The following GRID1 variants were observed in gnomAD, a reference collection of about 807,000 sequenced individuals.
GRID1 encodes glutamate ionotropic receptor delta type subunit 1, also known as glutamate receptor ionotropic, delta-1.
GRID1 carries 28 observed loss-of-function variants against 98.0 expected under a neutral mutation model. The ratio of observed to expected loss-of-function variants is 0.29; its 90% CI spans 0.21 to 0.39. The LOEUF (loss-of-function observed/expected upper bound fraction) is 0.39, where lower values mean the gene tolerates loss of function less well. Among genes scored for constraint, GRID1 ranks in the 10% least tolerant of loss-of-function variants. GRID1 has a pLI of 1.00. For missense variants in GRID1, 1,111 were observed against 1,340.5 expected, an observed-to-expected ratio of 0.83 and a Z score of 2.67; for synonymous variants, 553 against 538.5, an observed-to-expected ratio of 1.03 and a Z score of -0.37.
chr10:85,794,057 A>G (rs902023072), intron 8 of GRID1, among the ~76,000 whole-genome samples: 4 of 152,308 alleles, frequency 2.6e-5, no homozygotes, highest in African/African-American at 9.6e-5. Flanking sequence ...CTTTCCTTCA[A>G]GAAGCATCTC....
intron 8 of GRID1, among the ~76,000 whole-genome samples, chr10:85,827,991 C>T (rs1842834626): frequency 6.6e-6 from 1 of 152,144 alleles, no homozygotes; most frequent in Admixed American, 6.5e-5. Context: ...ACATACTTCT[C>T]ATTTGCACAT....
intron 3 of GRID1, among the ~76,000 whole-genome samples, chr10:86,199,689 C>T (rs190091877): frequency 5.3e-4 from 80 of 152,264 alleles, no homozygotes; most frequent in Middle Eastern, 3.4e-3. Flanking sequence ...AGCTGTTACC[C>T]GCTGGCATGA....
intron 4 of GRID1, among the ~76,000 whole-genome samples, chr10:86,066,221 C>T (rs1025044939): frequency 1.3e-5 from 2 of 152,164 alleles, no homozygotes; most frequent in African/African-American, 2.4e-5. Context: ...GCAGCCCCTT[C>T]CCAGAGAGAC....
At chr10:85,651,089 G>A (rs1843262904) in intron 12 of GRID1, among the ~76,000 whole-genome samples, 1 of 152,182 alleles carries the variant, frequency 6.6e-6, no homozygotes, top group African/African-American at 2.4e-5. Flanking sequence ...CCCTCCAGGT[G>A]ATTCTGATGC....
chr10:85,947,103 G>A (rs920172199), intron 4 of GRID1, among the ~76,000 whole-genome samples: 2 of 152,202 alleles, frequency 1.3e-5, no homozygotes, highest in African/African-American at 4.8e-5. Context: ...GCTCCTCCAG[G>A]AGAAGGGGAC....
intron 4 of GRID1, among the ~76,000 whole-genome samples, chr10:86,131,302 T>A (rs530888388): frequency 6.6e-6 from 1 of 152,024 alleles, no homozygotes; most frequent in African/African-American, 2.4e-5. Flanking sequence ...CTGAACACCC[T>A]TGGGGATCCG....
In GRID1 at chr10:85,645,352, C is replaced by T. The variant is rs115513214; in HGVS notation, c.2193+1850G>A. ...GTTCATTATCTTCAAATGAGGTCACCTACAGCCACAAAGATTCACTGTCAG... is the reference window on the plus strand; with the variant it reads ...GTTCATTATCTTCAAATGAGGTCACTTACAGCCACAAAGATTCACTGTCAG... On this transcript the variant is annotated intron_variant, in intron 13 of 15. Coordinates refer to ENST00000327946, the MANE Select transcript of GRID1 (RefSeq NM_017551.3). Among the ~76,000 whole-genome samples the T allele has an allele frequency of 4.7e-3, 721 of 152,300 alleles. 9 individuals are homozygous for T. The highest frequency in any genetic ancestry group is 0.017 in the African/African-American group (689 of 41,560).
intron 4 of GRID1, among the ~76,000 whole-genome samples, chr10:85,981,476 C>T (rs1012940718): frequency 6.6e-6 from 1 of 152,178 alleles, no homozygotes; most frequent in African/African-American, 2.4e-5. Context: ...GATGGGAGCC[C>T]AGCAGCCACT....
rs189772148 is a variant in GRID1 at position 86,304,978 on chromosome 10, C to G, written c.235+58963G>C. On this transcript the variant is annotated intron_variant, in intron 2 of 15. Coordinates refer to ENST00000327946, the MANE Select transcript of GRID1 (RefSeq NM_017551.3). ...TCTAGGCTATGGGGGCCAGTTATTT[C>G]GTCAAACATGAGTCTAGAGGTTGCT... is the stretch of plus-strand genomic sequence containing the variant. 3.3e-3 allele frequency among the ~76,000 whole-genome samples: 506 copies of G among 152,116 alleles called. 2 individuals are homozygous for G. The highest frequency in any genetic ancestry group is 6.8e-3 in the Middle Eastern group (2 of 294).
intron 2 of GRID1, among the ~76,000 whole-genome samples, chr10:86,323,907 G>A (rs1848005878): frequency 6.6e-6 from 1 of 152,208 alleles, no homozygotes; most frequent in Admixed American, 6.5e-5. Flanking sequence ...GGCCCAGCAT[G>A]GTGGCTCACA....
chr10:86,162,399 C>T (rs532872756), intron 3 of GRID1, among the ~76,000 whole-genome samples: 114 of 152,294 alleles, frequency 7.5e-4, no homozygotes, highest in Middle Eastern at 3.4e-3. Flanking sequence ...CCATCCCAGC[C>T]ACCCAAAGCC....
chr10:85,605,190 T>G (rs1320754840), intron 15 of GRID1, among the ~76,000 whole-genome samples: 1 of 152,222 alleles, frequency 6.6e-6, no homozygotes, highest in Non-Finnish European at 1.5e-5. Context: ...GAGCTCCTGT[T>G]AAACTGTGGA....
At chr10:86,080,643 G>A (rs1330873924) in intron 4 of GRID1, among the ~76,000 whole-genome samples, 1 of 152,144 alleles carries the variant, frequency 6.6e-6, no homozygotes, top group African/African-American at 2.4e-5. Flanking sequence ...GGAGAGTGGA[G>A]TGTCTGAGTG....
At chr10:86,162,153 G>T (rs901572686) in intron 3 of GRID1, among the ~76,000 whole-genome samples, 1 of 152,150 alleles carries the variant, frequency 6.6e-6, no homozygotes, top group Non-Finnish European at 1.5e-5. Context: ...GTGTCCTGGG[G>T]TTAGTAATTT....
At chr10:85,775,863 A>ATG (rs1270821171) in intron 8 of GRID1, among the ~76,000 whole-genome samples, 1 of 151,992 alleles carries the variant, frequency 6.6e-6, no homozygotes, top group East Asian at 1.9e-4. Flanking sequence ...CAAAAGAGTC[A>ATG]CTCTCTTTGT....
chr10:85,661,365 C>A (rs1370228607), intron 12 of GRID1, among the ~76,000 whole-genome samples: 1 of 152,144 alleles, frequency 6.6e-6, no homozygotes, highest in Non-Finnish European at 1.5e-5. Flanking sequence ...AACTATAAGA[C>A]TTACTTTGTT....
chr10:86,196,859 G>A (rs540100894), intron 3 of GRID1, among the ~76,000 whole-genome samples: 35 of 151,758 alleles, frequency 2.3e-4, no homozygotes, highest in African/African-American at 8.4e-4. Context: ...GACTCCATAG[G>A]AAGCATATAT....
chr10:85,967,984 GTTA>G (rs1183571028), intron 4 of GRID1, among the ~76,000 whole-genome samples: 1 of 152,164 alleles, frequency 6.6e-6, no homozygotes, highest in Non-Finnish European at 1.5e-5. Flanking sequence ...GATAAAATTT[GTTA>G]TTATATTGGC....
chr10:86,169,700 C>G (rs1170974692), intron 3 of GRID1, among the ~76,000 whole-genome samples: 1 of 152,172 alleles, frequency 6.6e-6, no homozygotes, highest in Non-Finnish European at 1.5e-5. Flanking sequence ...ACTTTCAATC[C>G]CCAGGCAGAA....
Sources: allele counts gnomAD v4.1 joint callset (sites outside exome capture counted in the v4.1 genomes callset), GRCh38; gene constraint gnomAD v4.1.1; transcripts MANE v1.5; gene names NCBI Gene and HGNC (gene_info 2026-07-23, HGNC 2026-07-21).